Variants in PDE4DIP observed in about 807,000 individuals in gnomAD.
The protein encoded by PDE4DIP is phosphodiesterase 4D interacting protein.
PDE4DIP carries 59 observed loss-of-function variants against 221.4 expected under a neutral mutation model. That is an observed-to-expected ratio of 0.27 (90% CI 0.22 to 0.33). PDE4DIP has a LOEUF of 0.33. Ranked by LOEUF, PDE4DIP falls within the 10% of genes least tolerant of loss-of-function variation. The pLI is 1.00. For synonymous variants in PDE4DIP, 404 were observed against 815.9 expected (o/e 0.50, Z 8.60); for missense variants, 1,036 against 2,154.2 (o/e 0.48, Z 10.28).
chr1:148,998,513 C>A, intron 23 of PDE4DIP, 138 bp downstream of exon 26: 2 of 556,578 alleles, frequency 3.6e-6, no homozygotes, highest in Non-Finnish European at 3.2e-6. Context: ...TAATGGTAAT[C>A]ACTTTCTGTT....
At chr1:148,976,394 T>C (rs2060178832) in intron 17 of PDE4DIP, among the ~76,000 whole-genome samples, 1 of 152,228 alleles carries the variant, frequency 6.6e-6, no homozygotes, top group Admixed American at 6.5e-5. Flanking sequence ...CCCTGTGATT[T>C]TTGAACAAGT....
exon 18 of PDE4DIP, chr1:148,978,035 T>G (rs377267435): frequency 1.2e-6 from 2 of 1,613,586 alleles, no homozygotes; most frequent in Non-Finnish European, 1.7e-6. Flanking sequence ...ACATACAGAT[T>G]AAAGAAGATC....
chr1:149,030,702 TAA>T (rs1323418459), intron 43 of PDE4DIP: 2 of 983,426 alleles, frequency 2.0e-6, no homozygotes, highest in African/African-American at 3.5e-5. Flanking sequence ...TGCAACCTAA[TAA>T]ACTGATTTCA....
intron 30 of PDE4DIP, 124 bp downstream of exon 33, chr1:149,009,915 G>A (rs1329775026): frequency 3.8e-4 from 296 of 772,308 alleles, no homozygotes; most frequent in Middle Eastern, 7.5e-4. Context: ...CAAGTGCCAT[G>A]CACAGGCACC....
At chr1:149,030,903 A>G in intron 43 of PDE4DIP, 2 of 468,374 alleles carry the variant, frequency 4.3e-6, no homozygotes, top group Non-Finnish European at 5.6e-6. Flanking sequence ...CTAAGTGTTA[A>G]TCATTCCCTA....
chr1:149,020,017 C>G, intron 35 of PDE4DIP, 130 bp from the exon 39 acceptor site: 1 of 611,284 alleles, frequency 1.6e-6, no homozygotes, highest in Non-Finnish European at 2.9e-6. Flanking sequence ...CCAGCATGCT[C>G]TTCCCACCAA....
chr1:148,976,821 T>C (rs1221201039), intron 17 of PDE4DIP, among the ~76,000 whole-genome samples: 2 of 151,842 alleles, frequency 1.3e-5, no homozygotes, highest in Non-Finnish European at 2.9e-5. Flanking sequence ...GAGAAAGATA[T>C]TTCAGGCAAA....
intron 4 of PDE4DIP, among the ~76,000 whole-genome samples, chr1:148,935,062 A>G (rs1174737691): frequency 3.9e-5 from 6 of 152,088 alleles, no homozygotes; most frequent in Admixed American, 6.5e-5. Context: ...AAAAATACAA[A>G]AATTGGTTGG....
At chr1:148,969,930 T>A (rs2058894677) in intron 14 of PDE4DIP, among the ~76,000 whole-genome samples, 1 of 152,188 alleles carries the variant, frequency 6.6e-6, no homozygotes, top group South Asian at 2.1e-4. Context: ...GGCTTACGAT[T>A]CCTGGCCTCA....
At chr1:148,899,194 C>T (rs2040116790) in intron 1 of PDE4DIP, among the ~76,000 whole-genome samples, 1 of 118,740 alleles carries the variant, frequency 8.4e-6, no homozygotes, top group Admixed American at 8.7e-5. Context: ...AAGCAATGTG[C>T]ACTTGGCACA....
intron 27 of PDE4DIP, among the ~76,000 whole-genome samples, chr1:149,006,086 T>C (rs1553597513): frequency 6.6e-6 from 1 of 151,950 alleles, no homozygotes; most frequent in Non-Finnish European, 1.5e-5. Context: ...TGAGCCGAGA[T>C]GGCACCACTG....
chr1:148,983,919 A>C (rs2061496035), intron 21 of PDE4DIP: 1 of 152,060 alleles, frequency 6.6e-6, no homozygotes, highest in African/African-American at 2.4e-5. Context: ...TTCCCTTTTG[A>C]ATAATAGCAA....
At chr1:148,823,516 A>C (rs1669850804) in intron 1 of PDE4DIP, among the ~76,000 whole-genome samples, 1 of 150,532 alleles carries the variant, frequency 6.6e-6, no homozygotes, top group Non-Finnish European at 1.5e-5. Context: ...CACTGTACGC[A>C]TGCTCATTCA....
At position 148,984,022 on chromosome 1, in the gene PDE4DIP, T is replaced by C. The variant is rs1242785247; in HGVS notation, c.2815+2625T>C. On this transcript the variant is annotated intron_variant, in intron 21 of 43. Transcript: ENST00000369354. ...TGAAAAGAACCTCCAAGAGGACTTA[T>C]TTAATGAGTGAAATAAATGTCCTTA... 5.9e-5 allele frequency: 9 copies of C among 152,200 alleles called. No homozygotes were observed. In the East Asian group the frequency reaches 1.2e-3, roughly 20 times the overall value. The allele number at this position is 152,200 out of a possible 1,614,324, so 9.4% of individuals were successfully genotyped here.
chr1:148,828,992 T>C (rs1671325194), intron 1 of PDE4DIP, among the ~76,000 whole-genome samples: 1 of 147,716 alleles, frequency 6.8e-6, no homozygotes, highest in Non-Finnish European at 1.5e-5. Flanking sequence ...TTTAAGGCAT[T>C]GTCCCAGTTG....
intron 5 of PDE4DIP, chr1:148,952,160 G>C (rs1429300198): frequency 9.7e-7 from 1 of 1,034,746 alleles, no homozygotes; most frequent in Non-Finnish European, 1.2e-6. Flanking sequence ...TTCAGGTGAG[G>C]TCTTAGCAGA....
At chr1:148,864,382 A>G (rs2762806) in intron 2 of PDE4DIP, among the ~76,000 whole-genome samples, 36 of 140,282 alleles carry the variant, frequency 2.6e-4, no homozygotes, top group Admixed American at 7.1e-4. Flanking sequence ...TATTGTTACT[A>G]TTAATGTATT....
intron 1 of PDE4DIP, among the ~76,000 whole-genome samples, chr1:148,924,805 A>G (rs1260082143): frequency 1.3e-5 from 2 of 151,694 alleles, no homozygotes; most frequent in Non-Finnish European, 2.9e-5. Flanking sequence ...AAATAAGCAA[A>G]TGCAGTTAAT....
intron 27 of PDE4DIP, among the ~76,000 whole-genome samples, chr1:149,006,130 CT>C (rs2066955831): frequency 6.7e-6 from 1 of 149,132 alleles, no homozygotes; most frequent in Non-Finnish European, 1.5e-5. Context: ...AAGAGTCTGT[CT>C]CGGAAAAAAA....
Sources: gnomAD v4.1 joint callset for allele counts (sites outside exome capture counted in the v4.1 genomes callset) on GRCh38, gnomAD v4.1.1 for gene constraint, MANE v1.5 for transcripts, NCBI Gene and HGNC (gene_info 2026-07-23, HGNC 2026-07-21) for gene names.